HPSE2: variants seen among roughly 807,000 people sequenced by gnomAD.
The protein encoded by HPSE2 is heparanase 2 (inactive), also known as inactive heparanase-2.
Under a neutral mutation model 60.5 loss-of-function variants are expected in HPSE2, and 38 were observed. That is an observed-to-expected ratio of 0.63 (90% CI 0.48 to 0.82). The LOEUF (loss-of-function observed/expected upper bound fraction) is 0.82, where lower values mean the gene tolerates loss of function less well. HPSE2 is among the 40% of genes least tolerant of loss of function. The pLI is 0.00. For synonymous variants in HPSE2, 295 were observed against 293.2 expected, an observed-to-expected ratio of 1.01 and a Z score of -0.06; for missense variants, 713 against 740.4, an observed-to-expected ratio of 0.96 and a Z score of 0.43.
intron 3 of HPSE2, among the ~76,000 whole-genome samples, chr10:99,038,748 A>G (rs939785330): frequency 2.0e-5 from 3 of 152,174 alleles, no homozygotes; most frequent in African/African-American, 7.2e-5. Flanking sequence ...GGTGAAGGAT[A>G]TAGGAGACCG....
intron 6 of HPSE2, among the ~76,000 whole-genome samples, chr10:98,675,490 G>A (rs1459389466): frequency 6.6e-6 from 1 of 151,446 alleles, no homozygotes; most frequent in African/African-American, 2.4e-5. Context: ...AAGACTGCTT[G>A]AACCCAGCAG....
intron 3 of HPSE2, among the ~76,000 whole-genome samples, chr10:98,944,754 C>G (rs1955129098): frequency 6.6e-6 from 1 of 152,032 alleles, no homozygotes; most frequent in Admixed American, 6.6e-5. Context: ...TAACAAGTAT[C>G]CTCCTTCATT....
intron 3 of HPSE2, among the ~76,000 whole-genome samples, chr10:99,032,606 C>T (rs1264407196): frequency 6.6e-6 from 1 of 152,134 alleles, no homozygotes; most frequent in Non-Finnish European, 1.5e-5. Context: ...TCTATTGCTG[C>T]TATAACAAAT....
At chr10:99,066,497 A>T (rs978950578) in intron 3 of HPSE2, among the ~76,000 whole-genome samples, 1 of 152,204 alleles carries the variant, frequency 6.6e-6, no homozygotes, top group Non-Finnish European at 1.5e-5. Context: ...ACAGTACCAC[A>T]TGGCTGGGGT....
chr10:98,945,138 C>CA (rs1211638479), intron 3 of HPSE2, among the ~76,000 whole-genome samples: 1 of 151,982 alleles, frequency 6.6e-6, no homozygotes, highest in African/African-American at 2.4e-5. Flanking sequence ...GTATGGAATT[C>CA]CCCAATACAT....
chr10:98,802,886 G>GA lies in HPSE2; in HGVS notation c.611-58831dup, dbSNP rs561799644. 5.5e-4 allele frequency among the ~76,000 whole-genome samples: 81 copies of GA among 146,404 alleles called. 2 individuals carry two copies. In the South Asian group the frequency reaches 0.011, roughly 20 times the overall value. The stretch of plus-strand genomic sequence containing the variant: ...GTATTTCTAGTTCTAGATCCCTGAG[G>GA]AATCGCCACACTGACTTCCACAATG... On this transcript the variant is annotated intron_variant, in intron 3 of 11. Coordinates refer to ENST00000370552, the MANE Select transcript of HPSE2 (RefSeq NM_021828.5).
chr10:98,880,725 G>A (rs1160196216), intron 3 of HPSE2, among the ~76,000 whole-genome samples: 2 of 151,996 alleles, frequency 1.3e-5, no homozygotes, highest in Admixed American at 6.6e-5. Context: ...TTGCCCCAGA[G>A]GTGAACTGAA....
intron 4 of HPSE2, among the ~76,000 whole-genome samples, chr10:98,739,693 T>C (rs1334482078): frequency 1.3e-5 from 2 of 152,124 alleles, no homozygotes; most frequent in Non-Finnish European, 2.9e-5. Flanking sequence ...AAGAATAACA[T>C]GTGAATGTAT....
Position 98,611,273 on chromosome 10 carries a change from A to G in HPSE2, c.1320+3631T>C, listed in dbSNP as rs571164691. 3.9e-5 allele frequency among the ~76,000 whole-genome samples: 6 copies of G among 152,336 alleles called. No individual in the cohort carries two copies. In the East Asian group the frequency reaches 1.2e-3, roughly 29 times the overall value. On this transcript the variant is annotated intron_variant, in intron 9 of 11. Coordinates refer to ENST00000370552, the MANE Select transcript of HPSE2 (RefSeq NM_021828.5). ...TTTTCTAAGGACAAGTTTCTCTTCT[A>G]AAGAGCTATCCTCATATTCTCTCTT...
At position 99,110,383 on chromosome 10, in the gene HPSE2, C is replaced by A. The variant is rs189072070; in HGVS notation, c.610+33855G>T. ...AAAAGCTCCACCCTTGAAAGGCATACTATGTCCTACTTGCCCTATGAGAAG... is the reference window on the plus strand; with the variant it reads ...AAAAGCTCCACCCTTGAAAGGCATAATATGTCCTACTTGCCCTATGAGAAG... On this transcript the variant is annotated intron_variant, in intron 3 of 11. Coordinates refer to ENST00000370552, the MANE Select transcript of HPSE2 (RefSeq NM_021828.5). Among the ~76,000 whole-genome samples, 13 of 152,300 alleles carry A rather than the reference C, an allele frequency of 8.5e-5. No individual in the cohort carries two copies. In the East Asian group the frequency reaches 2.5e-3, roughly 29 times the overall value.
chr10:98,575,330 A>G (rs1944612898), intron 9 of HPSE2, among the ~76,000 whole-genome samples: 1 of 152,126 alleles, frequency 6.6e-6, no homozygotes. Context: ...ACAGCACCAC[A>G]TGGCCGTGAT....
chr10:99,217,980 A>G (rs1849190482), intron 2 of HPSE2, among the ~76,000 whole-genome samples: 1 of 152,210 alleles, frequency 6.6e-6, no homozygotes, highest in Middle Eastern at 3.4e-3. Flanking sequence ...AAATGGGACA[A>G]TTAATAGTAG....
intron 2 of HPSE2, among the ~76,000 whole-genome samples, chr10:99,170,856 T>G (rs1310556827): frequency 6.6e-6 from 1 of 152,212 alleles, no homozygotes; most frequent in Non-Finnish European, 1.5e-5. Flanking sequence ...TCGAAAACAT[T>G]TTTTAATTGT....
intron 2 of HPSE2, among the ~76,000 whole-genome samples, chr10:99,194,625 C>T (rs1327831500): frequency 6.6e-6 from 1 of 151,110 alleles, no homozygotes; most frequent in Non-Finnish European, 1.5e-5. Context: ...ACCTGAGAAA[C>T]TACATGCCAA....
At position 99,021,837 on chromosome 10, in the gene HPSE2, AC is replaced by A. The variant is rs1443709870; in HGVS notation, c.610+122400del. On this transcript the variant is annotated intron_variant, in intron 3 of 11. Transcript: ENST00000370552. ...CTATCTACACCAAAAAAAAAAAAAA[AC>A]CCCAACACCTTCATGAGAACCAAAA... Among the ~76,000 whole-genome samples, 142 of 135,216 alleles carry A rather than the reference AC, an allele frequency of 1.1e-3. 1 individual carries two copies. Among genetic ancestry groups the A allele is most frequent in the African/African-American group, 3.1e-3 (123 of 39,258 alleles). 88.7% of individuals were successfully genotyped at this position (135,216 alleles called of 152,430 possible).
chr10:98,469,119 AT>A (rs1940674776), intron 11 of HPSE2, among the ~76,000 whole-genome samples: 1 of 152,186 alleles, frequency 6.6e-6, no homozygotes, highest in Admixed American at 6.5e-5. Context: ...AGTCTGTGTA[AT>A]AGTGATCCAA....
intron 2 of HPSE2, among the ~76,000 whole-genome samples, chr10:99,200,114 A>G (rs1211824249): frequency 6.6e-6 from 1 of 152,098 alleles, no homozygotes. Context: ...TGATTTTTGT[A>G]TGGTAATTTT....
At chr10:98,957,223 C>T (rs1361557262) in intron 3 of HPSE2, among the ~76,000 whole-genome samples, 1 of 152,130 alleles carries the variant, frequency 6.6e-6, no homozygotes, top group Non-Finnish European at 1.5e-5. Flanking sequence ...TAAAAGCATG[C>T]TATATGAAGG....
In HPSE2 at chr10:98,721,653, C is replaced by T. The variant is rs1372879505; in HGVS notation, c.956+4G>A. ...CATAAGAAAAGCTAAATAATCTGAC[C>T]TACCCATCTAGGAGGGCGATGACAT... On this transcript the variant is annotated splice_donor_region_variant and intron_variant, in intron 5 of 11. Transcript: ENST00000370552. The T allele has an allele frequency of 2.2e-5, 35 of 1,612,726 alleles. No individual in the cohort carries two copies. The highest frequency in any genetic ancestry group is 2.8e-5 in the Non-Finnish European group (33 of 1,179,440).
Sources: gnomAD v4.1 joint callset for allele counts (sites outside exome capture counted in the v4.1 genomes callset) on GRCh38, gnomAD v4.1.1 for gene constraint, MANE v1.5 for transcripts, NCBI Gene and HGNC (gene_info 2026-07-23, HGNC 2026-07-21) for gene names.